COP1: variants seen among roughly 807,000 people sequenced by gnomAD.
The protein encoded by COP1 is E3 ubiquitin-protein ligase COP1.
COP1 carries 24 observed loss-of-function variants against 101.3 expected under a neutral mutation model. The observed-to-expected ratio is 0.24, with a 90% confidence interval of 0.17 to 0.33. The LOEUF is 0.33. COP1 is among the 10% of genes least tolerant of loss of function. The pLI is 1.00. For synonymous variants in COP1, 347 were observed against 341.9 expected, an observed-to-expected ratio of 1.01 and a Z score of -0.17; for missense variants, 663 against 906.2, an observed-to-expected ratio of 0.73 and a Z score of 3.45.
At chr1:175,974,941 A>C (rs984601704) in intron 18 of COP1, among the ~76,000 whole-genome samples, 1 of 150,506 alleles carries the variant, frequency 6.6e-6, no homozygotes, top group African/African-American at 2.4e-5. Flanking sequence ...AAAAAAAAAA[A>C]ACCCACAAAG....
At position 175,945,745 on chromosome 1, in the gene COP1, C is replaced by A. The variant is rs542317333; in HGVS notation, c.2179-575G>T. On this transcript the variant is annotated intron_variant, in intron 19 of 19. Transcript: ENST00000367669. ...GGAAGCAAATGGCTAAGAAAGATCA[C>A]GGAACAGGAGGATAGTTATGAGACA... Among the ~76,000 whole-genome samples, 7 of 152,254 alleles carry A rather than the reference C, an allele frequency of 4.6e-5. No individual in the cohort carries two copies. In the South Asian group the frequency reaches 1.5e-3, roughly 32 times the overall value.
intron 11 of COP1, among the ~76,000 whole-genome samples, chr1:176,054,075 T>C (rs1673033498): frequency 6.6e-6 from 1 of 152,010 alleles, no homozygotes. Context: ...ACTACCCTCA[T>C]CCACTCACTC....
At chr1:176,095,126 G>A (rs61821002) in intron 9 of COP1, among the ~76,000 whole-genome samples, 22,337 of 152,088 alleles carry the variant, frequency 0.15, 2,190 homozygotes, top group Middle Eastern at 0.27. Flanking sequence ...ACACTGCATG[G>A]AAAACTATCA....
intron 9 of COP1, among the ~76,000 whole-genome samples, chr1:176,101,331 C>T (rs1381339375): frequency 2.0e-5 from 3 of 152,164 alleles, no homozygotes; most frequent in Non-Finnish European, 2.9e-5. Context: ...GTGCTCCTCT[C>T]TTTCTAGATA....
chr1:176,097,277 A>T (rs2149484123), intron 9 of COP1, among the ~76,000 whole-genome samples: 1 of 152,268 alleles, frequency 6.6e-6, no homozygotes, highest in East Asian at 1.9e-4. Context: ...GCCACTCTCA[A>T]TGCACACATG....
intron 19 of COP1, among the ~76,000 whole-genome samples, chr1:175,946,292 G>T (rs1649161590): frequency 6.6e-6 from 1 of 152,178 alleles, no homozygotes; most frequent in Non-Finnish European, 1.5e-5. Flanking sequence ...AGACTACCAT[G>T]TAAATTAGTG....
chr1:176,139,075 T>A (rs1023102767), intron 6 of COP1, among the ~76,000 whole-genome samples: 1 of 150,984 alleles, frequency 6.6e-6, no homozygotes. Context: ...CGTAAATAAA[T>A]GAAAAACAAA....
chr1:176,136,560 T>G lies in COP1; in HGVS notation c.832-13A>C, dbSNP rs765646406. The G allele has an allele frequency of 6.5e-7, 1 of 1,534,986 alleles. No individual in the cohort carries two copies. The highest frequency in any genetic ancestry group is 8.8e-7 in the Non-Finnish European group (1 of 1,140,174). On this transcript the variant is annotated splice_polypyrimidine_tract_variant and intron_variant, in intron 6 of 19. Transcript: ENST00000367669. Reference sequence around the variant, plus strand: ...TCTGTTCCAGTTGCTGCAGATTAAATAGAGAGAGAAAGACAAAAAAAAAAA... The same window carrying G: ...TCTGTTCCAGTTGCTGCAGATTAAAGAGAGAGAGAAAGACAAAAAAAAAAA...
At chr1:176,196,076 A>G (rs1013203362) in intron 1 of COP1, among the ~76,000 whole-genome samples, 5 of 152,238 alleles carry the variant, frequency 3.3e-5, no homozygotes, top group African/African-American at 1.2e-4. Flanking sequence ...GGAAATGAGA[A>G]GTATTATGAA....
At chr1:176,023,279 C>T (rs1667075069) in intron 15 of COP1, among the ~76,000 whole-genome samples, 2 of 152,018 alleles carry the variant, frequency 1.3e-5, no homozygotes, top group South Asian at 2.1e-4. Flanking sequence ...TTTAGCTACA[C>T]CTACCAAAAA....
chr1:176,047,028 A>T (rs1024250757), intron 11 of COP1, among the ~76,000 whole-genome samples: 4 of 152,198 alleles, frequency 2.6e-5, no homozygotes, highest in Admixed American at 6.5e-5. Flanking sequence ...TATAAGCTCC[A>T]AAACAAGCTA....
intron 2 of COP1, among the ~76,000 whole-genome samples, chr1:176,181,058 G>A (rs987145313): frequency 1.3e-5 from 2 of 152,166 alleles, no homozygotes; most frequent in African/African-American, 4.8e-5. Flanking sequence ...TTATCTCTAC[G>A]TTATGTAAAA....
intron 1 of COP1, chr1:176,206,345 C>G: frequency 3.6e-6 from 2 of 548,876 alleles, no homozygotes; most frequent in Non-Finnish European, 6.4e-6. Context: ...CAACACTTAC[C>G]TACCTCTTTA....
intron 7 of COP1, among the ~76,000 whole-genome samples, chr1:176,135,380 A>G (rs1160745212): frequency 6.6e-6 from 1 of 152,084 alleles, no homozygotes; most frequent in East Asian, 1.9e-4. Context: ...GTAAATGTAA[A>G]TATTTTAAAT....
Position 175,985,526 on chromosome 1 carries a change from TAAAAC to T in COP1, c.2133+1412_2133+1416del, listed in dbSNP as rs777770537. Among the ~76,000 whole-genome samples, 9 of 152,142 alleles carry T rather than the reference TAAAAC, an allele frequency of 5.9e-5. No individual in the cohort carries two copies. The East Asian group carries it at 1.2e-3, about 20-fold the overall frequency. Reference sequence around the variant, plus strand: ...CCTATAATATACCCCTGTGGGGACTTAAAACAAAGTAATCACCCATACAACGTCAG... The same window carrying T: ...CCTATAATATACCCCTGTGGGGACTTAAAGTAATCACCCATACAACGTCAG... On this transcript the variant is annotated intron_variant, in intron 18 of 19. Coordinates refer to ENST00000367669, the MANE Select transcript of COP1 (RefSeq NM_022457.7).
chr1:176,054,733 A>C (rs1439008639), intron 11 of COP1, among the ~76,000 whole-genome samples: 1 of 152,104 alleles, frequency 6.6e-6, no homozygotes, highest in African/African-American at 2.4e-5. Context: ...TTTTCCATCT[A>C]TCCTGGATCT....
chr1:176,162,928 A>G lies in COP1; in HGVS notation c.703T>C (p.Leu235=). 1 of 1,609,146 alleles carries G rather than the reference A, an allele frequency of 6.2e-7. No individual in the cohort carries two copies. Among genetic ancestry groups the G allele is most frequent in the Non-Finnish European group, 8.5e-7 (1 of 1,177,678 alleles). Residue 235 remains leucine, a synonymous_variant, in exon 5 of 20, where the codon TTG becomes CTG. Coordinates refer to ENST00000367669, the MANE Select transcript of COP1 (RefSeq NM_022457.7). ...TCCAACATAAGATTGACATTGGCCA[A>G]ATCAAGGTTATCTTGGTCAGTTCCC... ...WLGTDQDNLD[L]ANVNLMLELL...
intron 11 of COP1, among the ~76,000 whole-genome samples, chr1:176,058,834 T>A (rs1158112587): frequency 9.8e-6 from 1 of 102,404 alleles, no homozygotes; most frequent in East Asian, 4.5e-4. Context: ...CTCTGGAATG[T>A]GGTAACACGC....
Position 175,994,057 on chromosome 1 carries a change from T to C in COP1, c.1730-4578A>G, listed in dbSNP as rs377519521. ...TAAGAGGGGATCTCTGGGCAGAAACTCTACAAGCCAGAAGAGAGTGGGGGC... is the reference window on the plus strand; with the variant it reads ...TAAGAGGGGATCTCTGGGCAGAAACCCTACAAGCCAGAAGAGAGTGGGGGC... On this transcript the variant is annotated intron_variant, in intron 15 of 19. Transcript: ENST00000367669. Among the ~76,000 whole-genome samples, 101 of 152,262 alleles carry C rather than the reference T, an allele frequency of 6.6e-4. No homozygotes were observed. In the South Asian group the frequency reaches 0.02, roughly 30 times the overall value.
Sources: gnomAD v4.1 joint callset for allele counts (sites outside exome capture counted in the v4.1 genomes callset) on GRCh38, gnomAD v4.1.1 for gene constraint, MANE v1.5 for transcripts, NCBI Gene and HGNC (gene_info 2026-07-23, HGNC 2026-07-21) for gene names.